CCDC195: variants seen among roughly 807,000 people sequenced by gnomAD.
CCDC195 encodes coiled-coil domain containing 195.
At chr2:224,704,014 A>G (rs1697209114) in intron 2 of CCDC195, 127 bp from the exon 3 acceptor site, 1 of 393,950 alleles carries the variant, frequency 2.5e-6, no homozygotes, top group Non-Finnish European at 4.5e-6. Flanking sequence ...AAAATATATC[A>G]TGATATTTTT....
intron 2 of CCDC195, among the ~76,000 whole-genome samples, chr2:224,706,270 A>G (rs557696519): frequency 6.0e-4 from 71 of 118,820 alleles, no homozygotes; most frequent in African/African-American, 2.1e-3. Flanking sequence ...CAGTGGCCCA[A>G]TGTCGGCTCA....
intron 1 of CCDC195, among the ~76,000 whole-genome samples, chr2:224,713,108 C>T (rs1248446112): frequency 1.3e-5 from 2 of 152,130 alleles, no homozygotes; most frequent in African/African-American, 2.4e-5. Flanking sequence ...ACCTCGTGAT[C>T]CACCCACCTT....
At chr2:224,715,306 A>G (rs1308111154) in intron 1 of CCDC195, among the ~76,000 whole-genome samples, 1 of 152,134 alleles carries the variant, frequency 6.6e-6, no homozygotes, top group South Asian at 2.1e-4. Flanking sequence ...AGGTATTGAC[A>G]ATTTTAATGT....
At chr2:224,706,614 G>A (rs1409534531) in intron 2 of CCDC195, among the ~76,000 whole-genome samples, 2 of 147,270 alleles carry the variant, frequency 1.4e-5, no homozygotes, top group Non-Finnish European at 3.0e-5. Flanking sequence ...AGGTTCAAGC[G>A]ATTCTCCTGC....
intron 2 of CCDC195, among the ~76,000 whole-genome samples, chr2:224,706,848 G>A (rs1413627574): frequency 6.6e-6 from 1 of 150,798 alleles, no homozygotes; most frequent in South Asian, 2.1e-4. Context: ...ATTTAGTGCT[G>A]CTATAGAACT....
exon 3 of CCDC195, chr2:224,703,805 G>T: frequency 2.5e-6 from 1 of 398,550 alleles, no homozygotes; most frequent in Non-Finnish European, 4.4e-6. Context: ...GCCTGATTTG[G>T]TGAGTGTTTC....
intron 1 of CCDC195, among the ~76,000 whole-genome samples, chr2:224,713,768 G>A (rs981036440): frequency 1.3e-5 from 2 of 149,590 alleles, no homozygotes; most frequent in African/African-American, 2.5e-5. Flanking sequence ...AATAAGCAAG[G>A]TTTCCTACAA....
At chr2:224,713,955 C>A (rs1461041610) in intron 1 of CCDC195, among the ~76,000 whole-genome samples, 1 of 151,922 alleles carries the variant, frequency 6.6e-6, no homozygotes, top group Admixed American at 6.6e-5. Flanking sequence ...TGCCATCATG[C>A]CTGGCTAATT....
At chr2:224,710,776 T>TGTGGA (rs1217664192) in intron 1 of CCDC195, among the ~76,000 whole-genome samples, 1 of 152,220 alleles carries the variant, frequency 6.6e-6, no homozygotes, top group Non-Finnish European at 1.5e-5. Flanking sequence ...CACCTTCTTA[T>TGTGGA]GTGGAAGACA....
intron 1 of CCDC195, among the ~76,000 whole-genome samples, chr2:224,714,358 G>A (rs547715262): frequency 7.2e-5 from 11 of 152,304 alleles, no homozygotes; most frequent in Admixed American, 6.5e-4. Flanking sequence ...GTTCTAAGAT[G>A]CAACTTACTT....
intron 2 of CCDC195, among the ~76,000 whole-genome samples, chr2:224,705,261 T>C (rs1178494458): frequency 6.6e-6 from 1 of 152,224 alleles, no homozygotes; most frequent in African/African-American, 2.4e-5. Flanking sequence ...TGGTTTACCC[T>C]ATCAGTAAAC....
At chr2:224,715,940 A>G (rs1689377743) in intron 1 of CCDC195, among the ~76,000 whole-genome samples, 191 bp downstream of exon 1, 1 of 152,194 alleles carries the variant, frequency 6.6e-6, no homozygotes, top group Admixed American at 6.5e-5. Context: ...GTGTTGCTAT[A>G]ATGTGTTGCT....
At chr2:224,711,661 C>T (rs1378015292) in intron 1 of CCDC195, among the ~76,000 whole-genome samples, 2 of 152,030 alleles carry the variant, frequency 1.3e-5, no homozygotes, top group Non-Finnish European at 2.9e-5. Context: ...AGCATGAAAG[C>T]GTAAAAAAAC....
intron 1 of CCDC195, among the ~76,000 whole-genome samples, chr2:224,710,721 TA>T (rs1377378445): frequency 6.6e-6 from 1 of 152,206 alleles, no homozygotes; most frequent in Non-Finnish European, 1.5e-5. Flanking sequence ...GGATCTTTTT[TA>T]AAAGATGGGA....
intron 2 of CCDC195, among the ~76,000 whole-genome samples, chr2:224,706,889 GTATA>G (rs140990871): frequency 6.4e-5 from 9 of 141,170 alleles, no homozygotes; most frequent in East Asian, 2.2e-4. Flanking sequence ...GTGTCTGTGT[GTATA>G]TATATATATA....
In CCDC195 at chr2:224,709,832, G is replaced by A. The variant is rs1357161669; in HGVS notation, c.482+141C>T. ...TTTGTTACTTTAAATTCCCAAAATTGACATAGGTAATATGGAAATTATTTA... is the reference window on the plus strand; with the variant it reads ...TTTGTTACTTTAAATTCCCAAAATTAACATAGGTAATATGGAAATTATTTA... On this transcript the variant is annotated intron_variant, in intron 2 of 2. Coordinates refer to ENST00000638102, the Ensembl canonical transcript of CCDC195. The A allele has an allele frequency of 2.8e-5, 11 of 396,382 alleles. No homozygotes were observed. The East Asian group carries it at 3.9e-4, about 14-fold the overall frequency. The allele number at this position is 396,382 out of a possible 1,614,324, so 24.6% of individuals were successfully genotyped here.
chr2:224,712,476 G>A (rs575485681), intron 1 of CCDC195, among the ~76,000 whole-genome samples: 1 of 152,180 alleles, frequency 6.6e-6, no homozygotes, highest in Non-Finnish European at 1.5e-5. Flanking sequence ...TTCCGAGCAG[G>A]CACTCTGCAT....
exon 3 of CCDC195, chr2:224,703,798 T>G (rs1337995222): frequency 2.5e-6 from 1 of 398,478 alleles, no homozygotes. Flanking sequence ...GTTTGTGGCC[T>G]GATTTGGTGA....
intron 1 of CCDC195, among the ~76,000 whole-genome samples, chr2:224,714,664 A>T (rs1301500826): frequency 6.6e-6 from 1 of 152,180 alleles, no homozygotes; most frequent in African/African-American, 2.4e-5. Context: ...CAACTAAGCA[A>T]ATATTATAAA....
Sources: allele counts gnomAD v4.1 joint callset (sites outside exome capture counted in the v4.1 genomes callset), GRCh38; gene constraint gnomAD v4.1.1; transcripts MANE v1.5; gene names NCBI Gene and HGNC (gene_info 2026-07-23, HGNC 2026-07-21).